Variants in PABPC4L observed in about 807,000 individuals in gnomAD.
The protein encoded by PABPC4L is poly(A) binding protein cytoplasmic 4 like.
For missense variants in PABPC4L, 452 were observed against 451.4 expected (o/e 1.00, Z -0.01); for synonymous variants, 169 against 164.1 (o/e 1.03, Z -0.23).
chr4:134,196,203 T>C (rs941316186), downstream of PABPC4L: 4 of 151,442 alleles, frequency 2.6e-5, no homozygotes, highest in Non-Finnish European at 4.4e-5. Context: ...CATAAAGAAA[T>C]TGTCCTTGAA....
At chr4:134,093,279 T>A in the PABPC4L span, among the ~76,000 whole-genome samples, 7 of 151,930 alleles carry the variant, frequency 4.6e-5, no homozygotes, top group East Asian at 3.9e-4. Flanking sequence ...GCTGAAAATT[T>A]GACACATTCA....
chr4:134,148,828 C>T, the PABPC4L span, among the ~76,000 whole-genome samples: 1 of 148,932 alleles, frequency 6.7e-6, no homozygotes, highest in Non-Finnish European at 1.5e-5. Context: ...AGTTGAATGA[C>T]ATAAGGAGCT....
At chr4:134,042,868 A>G in the PABPC4L span, among the ~76,000 whole-genome samples, 2 of 152,298 alleles carry the variant, frequency 1.3e-5, no homozygotes, top group Non-Finnish European at 2.9e-5. Context: ...ATATAGTCAC[A>G]TCTTTTTTTA....
Position 134,200,171 on chromosome 4 carries a change from T to C in PABPC4L, c.849A>G (p.Lys283=), listed in dbSNP as rs764125172. Residue 283 remains lysine, a synonymous_variant, in exon 2 of 2, where the codon AAA becomes AAG. Coordinates refer to ENST00000421491, the MANE Select transcript of PABPC4L (RefSeq NM_001114734.2). ...AELKQMFEQL[K]RERIRGCQGV... is the part of the protein sequence containing the mutation. ...CCTGGCACCCACGAATTCGTTCCCT[T>C]TTCAGCTGCTCAAACATTTGCTTTA... The C allele has an allele frequency of 6.4e-7, 1 of 1,551,686 alleles. No homozygotes were observed. The highest frequency in any genetic ancestry group is 1.2e-5 in the South Asian group (1 of 84,064).
chr4:133,982,863 A>T, the PABPC4L span, among the ~76,000 whole-genome samples: 4 of 152,114 alleles, frequency 2.6e-5, no homozygotes, highest in East Asian at 7.7e-4. Context: ...CAAACATGTA[A>T]TTCACATGAA....
In PABPC4L at chr4:134,199,930, T is replaced by TG. The variant is rs1241955648; in HGVS notation, c.1089dup (p.Ile364HisfsTer31). On this transcript the variant is annotated frameshift_variant, in exon 2 of 2. Transcript: ENST00000421491. LOFTEE classifies it high-confidence loss of function. ...TCCTAGTGTCTCTGGGCCAAGGCAA[T>TG]GCTAAGAGGTTTGGAGCCCAAGATG... The TG allele has an allele frequency of 1.4e-5, 21 of 1,551,426 alleles. No individual in the cohort carries two copies. The highest frequency in any genetic ancestry group is 8.7e-7 in the Non-Finnish European group (1 of 1,146,948).
chr4:133,972,998 CA>C, the PABPC4L span, among the ~76,000 whole-genome samples: 1 of 152,112 alleles, frequency 6.6e-6, no homozygotes, highest in Non-Finnish European at 1.5e-5. Flanking sequence ...CATAATTACT[CA>C]TAAGGTCTGG....
the PABPC4L span, among the ~76,000 whole-genome samples, chr4:134,034,046 G>A: frequency 4.6e-5 from 7 of 151,858 alleles, no homozygotes; most frequent in African/African-American, 1.7e-4. Flanking sequence ...CAAGTTTCAA[G>A]GGACAGATTA....
At chr4:134,046,756 T>G in the PABPC4L span, among the ~76,000 whole-genome samples, 1 of 152,192 alleles carries the variant, frequency 6.6e-6, no homozygotes, top group African/African-American at 2.4e-5. Context: ...CCAAGCATAC[T>G]GCCTGTAAAC....
At chr4:134,125,442 AAAGGG>A in the PABPC4L span, among the ~76,000 whole-genome samples, 1 of 152,018 alleles carries the variant, frequency 6.6e-6, no homozygotes, top group Non-Finnish European at 1.5e-5. Context: ...CCTCCTCTTA[AAAGGG>A]CAGTCTGAAT....
chr4:134,194,719 G>T (rs1160677145), downstream of PABPC4L, among the ~76,000 whole-genome samples: 1 of 151,818 alleles, frequency 6.6e-6, no homozygotes, highest in East Asian at 1.9e-4. Flanking sequence ...CTGTTAAAAG[G>T]TTAAAGCTTT....
the PABPC4L span, among the ~76,000 whole-genome samples, chr4:133,961,612 C>A: frequency 1.8e-3 from 280 of 152,226 alleles, no homozygotes; most frequent in African/African-American, 6.4e-3. Context: ...CTTTGGGTCC[C>A]CTCCCATTAC....
chr4:134,152,490 C>T, the PABPC4L span, among the ~76,000 whole-genome samples: 1 of 152,150 alleles, frequency 6.6e-6, no homozygotes, highest in Non-Finnish European at 1.5e-5. Context: ...GGTTCTGCCT[C>T]TGTGGCAGGC....
At chr4:134,114,850 T>C in the PABPC4L span, among the ~76,000 whole-genome samples, 2 of 151,970 alleles carry the variant, frequency 1.3e-5, no homozygotes, top group Non-Finnish European at 2.9e-5. Context: ...AAATGAATTA[T>C]CATCTCTGCC....
chr4:134,050,365 T>C, the PABPC4L span, among the ~76,000 whole-genome samples: 1 of 152,082 alleles, frequency 6.6e-6, no homozygotes, highest in Non-Finnish European at 1.5e-5. Flanking sequence ...CATCAAGTAA[T>C]CGCTGCCATA....
the PABPC4L span, among the ~76,000 whole-genome samples, chr4:134,079,696 TGAGA>T: frequency 7.0e-4 from 102 of 146,332 alleles, 1 homozygote; most frequent in South Asian, 0.013. Context: ...TCTGTGTGTG[TGAGA>T]GAGAGAGAGA....
At chr4:134,178,018 C>G in the PABPC4L span, among the ~76,000 whole-genome samples, 1 of 152,072 alleles carries the variant, frequency 6.6e-6, no homozygotes, top group African/African-American at 2.4e-5. Flanking sequence ...GGCATCCCCA[C>G]CCATCCCTAT....
the PABPC4L span, among the ~76,000 whole-genome samples, chr4:134,138,172 A>C: frequency 1.3e-5 from 2 of 151,850 alleles, no homozygotes; most frequent in Non-Finnish European, 2.9e-5. Context: ...ACCTGAATTA[A>C]AAAATAATGT....
At position 134,198,846 on chromosome 4, in the gene PABPC4L, AAATC is replaced by A. The variant is rs1729749500; in HGVS notation, c.*1057_*1060del. The A allele has an allele frequency of 6.6e-6, 1 of 152,012 alleles. No homozygotes were observed. The highest frequency in any genetic ancestry group is 2.4e-5 in the African/African-American group (1 of 41,452). The allele number at this position is 152,012 out of a possible 1,614,324, so 9.4% of individuals were successfully genotyped here. A position where few individuals can be genotyped will look rare whatever the true frequency, so the allele number is the denominator to read the frequency against. On this transcript the variant is annotated 3_prime_UTR_variant, in exon 2 of 2. Coordinates refer to ENST00000421491, the MANE Select transcript of PABPC4L (RefSeq NM_001114734.2). ...AGTGATGTAACTTCAATTCATCAGA[AAATC>A]AATCAGTGTTTCTGATCAATGAAGG... is the stretch of plus-strand genomic sequence containing the variant.
Sources: allele counts gnomAD v4.1 joint callset (sites outside exome capture counted in the v4.1 genomes callset), GRCh38; gene constraint gnomAD v4.1.1; transcripts MANE v1.5; gene names NCBI Gene and HGNC (gene_info 2026-07-23, HGNC 2026-07-21).